The following PRKCB variants were observed in gnomAD, a reference collection of about 807,000 sequenced individuals.
PRKCB encodes protein kinase C beta type.
PRKCB carries 13 observed loss-of-function variants against 81.5 expected under a neutral mutation model. That is an observed-to-expected ratio of 0.16 (90% CI 0.10 to 0.25). PRKCB has a LOEUF of 0.25. Among genes scored for constraint, PRKCB ranks in the 10% least tolerant of loss-of-function variants. PRKCB has a pLI of 1.00. For missense variants in PRKCB, 509 were observed against 875.7 expected (o/e 0.58, Z 5.29); for synonymous variants, 335 against 321.4 (o/e 1.04, Z -0.45).
At chr16:24,005,861 C>G (rs1421333927) in intron 3 of PRKCB, among the ~76,000 whole-genome samples, 1 of 152,212 alleles carries the variant, frequency 6.6e-6, no homozygotes, top group Non-Finnish European at 1.5e-5. Context: ...CGCCTGGTTT[C>G]TTCTGTCTTA....
At position 24,218,168 on chromosome 16, in the gene PRKCB, AAAT is replaced by A; in HGVS notation, c.*3358_*3360del. On this transcript the variant is annotated 3_prime_UTR_variant, in exon 17 of 17. Transcript: ENST00000643927. ...TCCAAGAATATTGTTTCTTGGAGAG[AAAT>A]AATAAATAAACAAGACAATTTCTGA... is the stretch of plus-strand genomic sequence containing the variant. 2.0e-6 allele frequency: 2 copies of A among 985,350 alleles called. No homozygotes were observed. Among genetic ancestry groups the A allele is most frequent in the Non-Finnish European group, 2.4e-6 (2 of 829,904 alleles). The allele number at this position is 985,350 out of a possible 1,614,324, so 61.0% of individuals were successfully genotyped here.
At position 24,216,603 on chromosome 16, in the gene PRKCB, G is replaced by C; in HGVS notation, c.*1787G>C. On this transcript the variant is annotated 3_prime_UTR_variant, in exon 17 of 17. Transcript: ENST00000643927. ...TGCCTCATCTTTAGGGAAAAATGGGGTTTGGATTTCTGCTTAGGCAAAGTC... is the reference window on the plus strand; with the variant it reads ...TGCCTCATCTTTAGGGAAAAATGGGCTTTGGATTTCTGCTTAGGCAAAGTC... 1 of 985,454 alleles carries C rather than the reference G, an allele frequency of 1.0e-6. No individual in the cohort carries two copies. The highest frequency in any genetic ancestry group is 4.7e-5 in the South Asian group (1 of 21,282). The allele number at this position is 985,454 out of a possible 1,614,324, so 61.0% of individuals were successfully genotyped here.
intron 2 of PRKCB, among the ~76,000 whole-genome samples, chr16:23,932,791 C>T (rs938997226): frequency 2.0e-5 from 3 of 152,174 alleles, no homozygotes; most frequent in African/African-American, 7.2e-5. Context: ...TTTCTGTTTC[C>T]TTGTAACAGA....
intron 2 of PRKCB, among the ~76,000 whole-genome samples, chr16:23,889,347 A>G (rs1385006317): frequency 2.0e-4 from 30 of 152,238 alleles, no homozygotes; most frequent in Middle Eastern, 3.2e-3. Context: ...GAAATTAATA[A>G]CAGAGCCTAC....
At chr16:24,056,058 C>T (rs1965899591) in intron 5 of PRKCB, among the ~76,000 whole-genome samples, 1 of 152,188 alleles carries the variant, frequency 6.6e-6, no homozygotes, top group Non-Finnish European at 1.5e-5. Flanking sequence ...TAACACCCAG[C>T]CCCTTAACCA....
In PRKCB at chr16:23,836,142, G is replaced by C. The variant is rs763455165; in HGVS notation, c.-34G>C. The C allele has an allele frequency of 2.0e-5, 27 of 1,384,266 alleles. No homozygotes were observed. The highest frequency in any genetic ancestry group is 2.5e-5 in the Non-Finnish European group (27 of 1,066,882). The allele number at this position is 1,384,266 out of a possible 1,614,324, so 85.7% of individuals were successfully genotyped here. A position where few individuals can be genotyped will look rare whatever the true frequency, so the allele number is the denominator to read the frequency against. On this transcript the variant is annotated 5_prime_UTR_variant, in exon 1 of 17. Coordinates refer to ENST00000643927, the MANE Select transcript of PRKCB (RefSeq NM_002738.7). ...CCCGCGGTCCCGCGGCCCCGGGGCC[G>C]GCACCTCTCGGGCTCCGGCTCCCCG...
intron 5 of PRKCB, among the ~76,000 whole-genome samples, chr16:24,083,530 C>T (rs1221723474): frequency 6.6e-6 from 1 of 152,166 alleles, no homozygotes; most frequent in African/African-American, 2.4e-5. Context: ...TACACAACAA[C>T]ATGGATGACC....
intron 2 of PRKCB, among the ~76,000 whole-genome samples, chr16:23,927,067 G>T (rs751638967): frequency 6.6e-6 from 1 of 152,160 alleles, no homozygotes; most frequent in Non-Finnish European, 1.5e-5. Context: ...GGTAAAGAAT[G>T]CAGATGGCTA....
chr16:24,064,327 C>T lies in PRKCB; in HGVS notation c.530-28464C>T, dbSNP rs189242844. ...GCTACACATTTTCCTTTAAGCACAG[C>T]TTTAGTTGACTCTCACAAGTTTTGA... On this transcript the variant is annotated intron_variant, in intron 5 of 16. Transcript: ENST00000643927. Among the ~76,000 whole-genome samples, 10 of 152,312 alleles carry T rather than the reference C, an allele frequency of 6.6e-5. 1 individual carries two copies. Among genetic ancestry groups the T allele is most frequent in the Non-Finnish European group, 1.3e-4 (9 of 68,016 alleles).
At chr16:24,146,717 A>G (rs1312592091) in intron 9 of PRKCB, among the ~76,000 whole-genome samples, 1 of 152,064 alleles carries the variant, frequency 6.6e-6, no homozygotes, top group East Asian at 1.9e-4. Context: ...GAGTTCTGCT[A>G]TTTATCACAT....
At chr16:24,085,775 T>C (rs1362240866) in intron 5 of PRKCB, among the ~76,000 whole-genome samples, 2 of 152,226 alleles carry the variant, frequency 1.3e-5, no homozygotes, top group Non-Finnish European at 2.9e-5. Context: ...CTCTGAGGTC[T>C]AGCCATTGCT....
intron 2 of PRKCB, among the ~76,000 whole-genome samples, chr16:23,873,600 A>G (rs746390100): frequency 5.3e-5 from 8 of 152,156 alleles, no homozygotes; most frequent in African/African-American, 9.7e-5. Context: ...TTACTTCCCA[A>G]CTGGGACAGA....
At chr16:24,017,305 T>TTAA (rs2141841753) in intron 3 of PRKCB, among the ~76,000 whole-genome samples, 1 of 152,252 alleles carries the variant, frequency 6.6e-6, no homozygotes, top group Non-Finnish European at 1.5e-5. Flanking sequence ...TGTCTAAACA[T>TTAA]TAAGAGTAGA....
chr16:23,859,022 T>G (rs1260926346), intron 2 of PRKCB, among the ~76,000 whole-genome samples: 1 of 152,126 alleles, frequency 6.6e-6, no homozygotes, highest in Non-Finnish European at 1.5e-5. Context: ...TCACAGCTAC[T>G]TAGGAGGCTG....
intron 3 of PRKCB, among the ~76,000 whole-genome samples, chr16:24,001,872 G>T (rs558449441): frequency 7.9e-5 from 12 of 152,238 alleles, no homozygotes; most frequent in African/African-American, 2.6e-4. Flanking sequence ...AAGGACATTG[G>T]GAGTAGAGTA....
chr16:23,916,220 ATTTTTTT>A (rs10678336), intron 2 of PRKCB, among the ~76,000 whole-genome samples: 16 of 112,876 alleles, frequency 1.4e-4, no homozygotes, highest in African/African-American at 2.8e-4. Context: ...CATGTGGCTA[ATTTTTTT>A]TTTTTTTTTT....
chr16:24,182,657 C>T (rs955010802), intron 13 of PRKCB, among the ~76,000 whole-genome samples: 4 of 152,108 alleles, frequency 2.6e-5, no homozygotes, highest in East Asian at 1.9e-4. Flanking sequence ...CAGCAGTTGC[C>T]GAAGGTGATG....
chr16:24,197,397 T>A (rs908934721), intron 16 of PRKCB, among the ~76,000 whole-genome samples: 3 of 151,346 alleles, frequency 2.0e-5, no homozygotes, highest in Admixed American at 2.0e-4. Context: ...AGTGATTTGG[T>A]TGGTAGTAGC....
intron 9 of PRKCB, among the ~76,000 whole-genome samples, chr16:24,126,678 T>C (rs1449261267): frequency 6.6e-6 from 1 of 152,050 alleles, no homozygotes; most frequent in East Asian, 1.9e-4. Flanking sequence ...GTGATTCTCC[T>C]GCCTCAGTCT....
Sources: allele counts gnomAD v4.1 joint callset (sites outside exome capture counted in the v4.1 genomes callset), GRCh38; gene constraint gnomAD v4.1.1; transcripts MANE v1.5; gene names NCBI Gene and HGNC (gene_info 2026-07-23, HGNC 2026-07-21).